Variants in DAAM2 observed in about 807,000 individuals in gnomAD.
DAAM2 encodes the protein dishevelled associated activator of morphogenesis 2.
A neutral mutation model predicts 120.7 loss-of-function variants in DAAM2; 39 were observed. The observed-to-expected ratio is 0.32, with a 90% CI of 0.25 to 0.42. DAAM2 has a LOEUF of 0.42. DAAM2 is among the 10% of genes least tolerant of loss of function. DAAM2 has a pLI of 1.00. For synonymous variants in DAAM2, 488 were observed against 524.9 expected (o/e 0.93, Z 0.96); for missense variants, 1,283 against 1,401.7 (o/e 0.92, Z 1.35).
At position 39,861,595 on chromosome 6, in the gene DAAM2, C is replaced by T. The variant is rs939795575; in HGVS notation, c.258+578C>T. 104 of 184,624 alleles carry T rather than the reference C, an allele frequency of 5.6e-4. 1 individual carries two copies. Among genetic ancestry groups the T allele is most frequent in the South Asian group, 2.4e-4 (2 of 8,414 alleles). The allele number at this position is 184,624 out of a possible 1,614,324, so 11.4% of individuals were successfully genotyped here. A position where few individuals can be genotyped will look rare whatever the true frequency, so the allele number is the denominator to read the frequency against. ...GATCTCCTCCCTTCTGCTTTCCCAG[C>T]GGCTGTGCATTCTTCTCTCTGCTGT... On this transcript the variant is annotated intron_variant, in intron 3 of 24. Coordinates refer to ENST00000274867, the MANE Select transcript of DAAM2 (RefSeq NM_001201427.2).
chr6:39,837,663 C>CAAAAAAAAAAAAAAAAAA (rs758751293), intron 1 of DAAM2, among the ~76,000 whole-genome samples: 112 of 40,992 alleles, frequency 2.7e-3, no homozygotes, highest in Middle Eastern at 0.02. Flanking sequence ...AACTCCATCT[C>CAAAAAAAAAAAAAAAAAA]AAAAAAAAAA....
rs764131369 is a variant in DAAM2, at chr6:39,901,434, A to AAGG, written c.2956_2958dup (p.Glu986dup). ...GGATCTAGAGGCCATGAGGAGGAGG[A>AAGG]AGGAGGAGGAGGAGCGGCGGGCGCG... is the stretch of plus-strand genomic sequence containing the variant. On this transcript the variant is annotated inframe_insertion, in exon 24 of 25. Coordinates refer to ENST00000274867, the MANE Select transcript of DAAM2 (RefSeq NM_001201427.2). The surrounding 1 kb of genome is among the most constrained non-coding windows in gnomAD (Gnocchi z 4.5). 1.2e-6 allele frequency: 2 copies of AAGG among 1,612,284 alleles called. No individual in the cohort carries two copies. The highest frequency in any genetic ancestry group is 2.2e-5 in the East Asian group (1 of 44,838).
At position 39,904,135 on chromosome 6, in the gene DAAM2, A is replaced by G. The variant is rs943631741; in HGVS notation, c.*2098A>G. The stretch of plus-strand genomic sequence containing the variant: ...ATTCCCACCCACCATGGAAGACTGG[A>G]TACGCACCTGGAAACAAAAGGACTA... On this transcript the variant is annotated 3_prime_UTR_variant, in exon 25 of 25. Coordinates refer to ENST00000274867, the MANE Select transcript of DAAM2 (RefSeq NM_001201427.2). The G allele has an allele frequency of 2.2e-6, 1 of 453,856 alleles. No individual in the cohort carries two copies. The highest frequency in any genetic ancestry group is 2.0e-5 in the African/African-American group (1 of 49,978). The allele number at this position is 453,856 out of a possible 1,614,324, so 28.1% of individuals were successfully genotyped here.
chr6:39,870,270 G>T, intron 7 of DAAM2, 70 bp from the exon 8 acceptor site: 1 of 925,620 alleles, frequency 1.1e-6, no homozygotes, highest in Non-Finnish European at 1.7e-6. Context: ...GTGGTGATGA[G>T]GGCTCCACTG....
intron 1 of DAAM2, among the ~76,000 whole-genome samples, chr6:39,810,630 G>T (rs1322849142): frequency 6.6e-6 from 1 of 152,038 alleles, no homozygotes; most frequent in Non-Finnish European, 1.5e-5. Context: ...ACTAGGAAAG[G>T]GGAAGAGCCC....
chr6:39,841,571 A>G lies in DAAM2; in HGVS notation c.-56-14676A>G, dbSNP rs191092150. Among the ~76,000 whole-genome samples the G allele has an allele frequency of 3.9e-5, 6 of 152,174 alleles. No individual in the cohort carries two copies. In the East Asian group the frequency reaches 9.7e-4, roughly 25 times the overall value. On this transcript the variant is annotated intron_variant, in intron 1 of 24. Transcript: ENST00000274867. ...ATCGTTCACAACTTGAGGAGGGAGAACTGAGAAAAGGCTTCTGAAGGGGTG... is the reference window on the plus strand; with the variant it reads ...ATCGTTCACAACTTGAGGAGGGAGAGCTGAGAAAAGGCTTCTGAAGGGGTG...
intron 1 of DAAM2, among the ~76,000 whole-genome samples, chr6:39,839,031 T>C (rs9367030): frequency 0.15 from 22,019 of 151,816 alleles, 3,108 homozygotes; most frequent in East Asian, 0.36. Context: ...TGGTCCCCCC[T>C]CTCTCTCCTC....
chr6:39,807,457 C>T (rs1222275271), intron 1 of DAAM2, among the ~76,000 whole-genome samples: 2 of 152,222 alleles, frequency 1.3e-5, no homozygotes, highest in African/African-American at 2.4e-5. Context: ...GGGAGAAGCA[C>T]ATAGGGGCTT....
At chr6:39,848,399 C>T (rs916697313) in intron 1 of DAAM2, among the ~76,000 whole-genome samples, 12 of 152,088 alleles carry the variant, frequency 7.9e-5, no homozygotes, top group Admixed American at 5.9e-4. Context: ...TTGTTTAGTG[C>T]CCTAGTGAGT....
chr6:39,801,176 A>G (rs548129132), intron 1 of DAAM2, among the ~76,000 whole-genome samples: 1 of 152,326 alleles, frequency 6.6e-6, no homozygotes, highest in South Asian at 2.1e-4. Flanking sequence ...AGAGGAGTTC[A>G]TTATTTTCTA....
Position 39,898,877 on chromosome 6 carries a change from C to T in DAAM2, c.2619C>T (p.Asn873=). 6.2e-7 allele frequency: 1 copy of T among 1,611,854 alleles called. No homozygotes were observed. Among genetic ancestry groups the T allele is most frequent in the Non-Finnish European group, 8.5e-7 (1 of 1,178,904 alleles). The change falls in exon 22 of 25, where the codon AAC becomes AAT. Residue 873 remains asparagine (N), a splice_region_variant and synonymous_variant. Transcript: ENST00000274867. The part of the protein sequence containing the change: ...LQHLPEAAKV[N]LAELEKEVGN... ...CCCTTCCCTCTGTGTCTCCTTACAG[C>T]CTAGCAGAACTGGAGAAGGAGGTGG...
chr6:39,878,594 C>A lies in DAAM2; in HGVS notation c.1545+6C>A. 6.3e-7 allele frequency: 1 copy of A among 1,598,096 alleles called. No individual in the cohort carries two copies. Among genetic ancestry groups the A allele is most frequent in the Non-Finnish European group, 8.5e-7 (1 of 1,172,910 alleles). ...CCCAGCTCAGTGAACTCTCAGTATGCAAGCATCTCCCCCTTTACATAGTTG... is the reference window on the plus strand; with the variant it reads ...CCCAGCTCAGTGAACTCTCAGTATGAAAGCATCTCCCCCTTTACATAGTTG... On this transcript the variant is annotated splice_donor_region_variant and intron_variant, in intron 13 of 24. Coordinates refer to ENST00000274867, the MANE Select transcript of DAAM2 (RefSeq NM_001201427.2). This position sits in a 1 kb window ranked among gnomAD's most constrained non-coding sequence, Gnocchi z 5.0.
At chr6:39,890,929 T>TA (rs901446478) in intron 17 of DAAM2, among the ~76,000 whole-genome samples, 1 of 151,002 alleles carries the variant, frequency 6.6e-6, no homozygotes, top group African/African-American at 2.4e-5. Context: ...TCTTACAAAA[T>TA]AAAAAAATAA....
intron 3 of DAAM2, among the ~76,000 whole-genome samples, chr6:39,863,477 G>A (rs1349040206): frequency 6.6e-6 from 1 of 152,058 alleles, no homozygotes; most frequent in African/African-American, 2.4e-5. Flanking sequence ...AGAGCTGCAG[G>A]GCCCGCTGGC....
At chr6:39,856,917 C>G (rs1764030737) in intron 2 of DAAM2, among the ~76,000 whole-genome samples, 3 of 152,156 alleles carry the variant, frequency 2.0e-5, no homozygotes, top group Admixed American at 1.3e-4. Context: ...CACCTCGGAA[C>G]AGGGGATGAT....
At chr6:39,885,345 T>TC (rs1765328781) in intron 15 of DAAM2, 2 of 150,762 alleles carry the variant, frequency 1.3e-5, no homozygotes, top group African/African-American at 2.4e-5. Context: ...AAAGGAACTC[T>TC]TTGAGCACTG....
intron 10 of DAAM2, among the ~76,000 whole-genome samples, chr6:39,873,642 G>T (rs924554423): frequency 2.6e-5 from 4 of 152,236 alleles, no homozygotes; most frequent in Non-Finnish European, 5.9e-5. Flanking sequence ...AAATAGCTCA[G>T]CTTTCAGCTC....
intron 1 of DAAM2, among the ~76,000 whole-genome samples, chr6:39,855,824 C>T (rs1763977154): frequency 6.6e-6 from 1 of 152,202 alleles, no homozygotes; most frequent in Non-Finnish European, 1.5e-5. Context: ...CAGTTATCCC[C>T]AGACCCGGAA....
At chr6:39,866,204 G>A (rs902026146) in intron 5 of DAAM2, among the ~76,000 whole-genome samples, 2 of 152,190 alleles carry the variant, frequency 1.3e-5, no homozygotes, top group African/African-American at 2.4e-5. Context: ...TAGAGGAAAG[G>A]ATGAGGTAGT....
Sources: gnomAD v4.1 joint callset for allele counts (sites outside exome capture counted in the v4.1 genomes callset) on GRCh38, gnomAD v4.1.1 for gene constraint, Gnocchi (gnomAD v3.1) non-coding constraint, MANE v1.5 for transcripts, NCBI Gene and HGNC (gene_info 2026-07-23, HGNC 2026-07-21) for gene names.